The following TANGO6 variants were observed in gnomAD, a reference collection of about 807,000 sequenced individuals.
The protein encoded by TANGO6 is transport and Golgi organization protein 6 homolog.
A neutral mutation model predicts 114.2 loss-of-function variants in TANGO6; 90 were observed. That is an observed-to-expected ratio of 0.79 (90% confidence interval 0.66 to 0.94). The LOEUF (loss-of-function observed/expected upper bound fraction) is 0.94. TANGO6 is among the 40% of genes least tolerant of loss of function. The pLI, the probability that TANGO6 is intolerant of heterozygous loss-of-function variation, is 0.00. For missense variants in TANGO6, 1,274 were observed against 1,315.3 expected (o/e 0.97, Z 0.49); for synonymous variants, 477 against 509.8 (o/e 0.94, Z 0.87).
intron 14 of TANGO6, among the ~76,000 whole-genome samples, chr16:68,944,724 G>T (rs1216113150): frequency 6.6e-6 from 1 of 152,160 alleles, no homozygotes; most frequent in Non-Finnish European, 1.5e-5. Flanking sequence ...GGTGAGTCAG[G>T]TTTGGAATCC....
intron 1 of TANGO6, among the ~76,000 whole-genome samples, chr16:68,856,802 A>G (rs1256469929): frequency 6.6e-6 from 1 of 151,990 alleles, no homozygotes. Context: ...GTATAGTTTC[A>G]CCTCCCTAAA....
intron 15 of TANGO6, among the ~76,000 whole-genome samples, chr16:69,001,617 C>T (rs1252439200): frequency 1.3e-5 from 2 of 152,086 alleles, no homozygotes; most frequent in Non-Finnish European, 2.9e-5. Flanking sequence ...GCTAAATAAG[C>T]AGGCACAGTT....
chr16:68,852,201 A>G (rs1215537554), intron 1 of TANGO6, among the ~76,000 whole-genome samples: 1 of 152,170 alleles, frequency 6.6e-6, no homozygotes, highest in Non-Finnish European at 1.5e-5. Context: ...AGGTGCTTTG[A>G]TTCTAGTTGG....
At position 68,898,583 on chromosome 16, in the gene TANGO6, T is replaced by C. The variant is rs533587903; in HGVS notation, c.1378-1851T>C. On this transcript the variant is annotated intron_variant, in intron 7 of 17. Coordinates refer to ENST00000261778, the MANE Select transcript of TANGO6 (RefSeq NM_024562.2). The stretch of plus-strand genomic sequence containing the variant: ...TCAAACTCCTGGGCTCAAGTGATCC[T>C]CCCTCCTTGGCCTCCCTAAGTGCTG... Among the ~76,000 whole-genome samples, 3 of 152,084 alleles carry C rather than the reference T, an allele frequency of 2.0e-5. No homozygotes were observed. In the South Asian group the frequency reaches 6.3e-4, roughly 32 times the overall value.
intron 14 of TANGO6, among the ~76,000 whole-genome samples, chr16:68,940,439 A>C (rs1313397662): frequency 1.3e-5 from 2 of 152,144 alleles, no homozygotes; most frequent in South Asian, 2.1e-4. Context: ...TTATCAAATG[A>C]AAAGAGGAGC....
chr16:69,062,019 C>T (rs779460617), intron 17 of TANGO6, among the ~76,000 whole-genome samples: 1 of 150,938 alleles, frequency 6.6e-6, no homozygotes, highest in Non-Finnish European at 1.5e-5. Flanking sequence ...GACTCCATCT[C>T]AAAAAAGAAA....
intron 1 of TANGO6, among the ~76,000 whole-genome samples, chr16:68,853,030 A>C (rs910072569): frequency 6.6e-5 from 10 of 152,204 alleles, no homozygotes; most frequent in Non-Finnish European, 1.5e-4. Flanking sequence ...TTTTAGCCAT[A>C]AACACTTCAG....
chr16:68,899,519 T>C (rs975023977), intron 7 of TANGO6, among the ~76,000 whole-genome samples: 1 of 151,714 alleles, frequency 6.6e-6, no homozygotes, highest in Non-Finnish European at 1.5e-5. Flanking sequence ...TTTTTTTTTT[T>C]AATTTTTTTC....
intron 16 of TANGO6, chr16:69,025,967 G>T: frequency 5.3e-6 from 1 of 189,688 alleles, no homozygotes. Context: ...AATGAGCTAT[G>T]CAATTTGATC....
At position 68,863,541 on chromosome 16, in the gene TANGO6, C is replaced by T. The variant is rs1387765444; in HGVS notation, c.852+480C>T. On this transcript the variant is annotated intron_variant, in intron 3 of 17. Transcript: ENST00000261778. ...AGGAGAATTGCTTGAACCTGGGAGG[C>T]GGAGGTTGCAGTGAGCCGAGATCAT... is the stretch of plus-strand genomic sequence containing the variant. 6.6e-5 allele frequency among the ~76,000 whole-genome samples: 10 copies of T among 151,960 alleles called. No individual in the cohort carries two copies. The East Asian group carries it at 9.7e-4, about 15-fold the overall frequency.
intron 17 of TANGO6, among the ~76,000 whole-genome samples, chr16:69,047,950 G>C (rs1290392992): frequency 6.6e-6 from 1 of 152,092 alleles, no homozygotes; most frequent in Non-Finnish European, 1.5e-5. Context: ...TTCTCTATCT[G>C]TTTTGTGGGA....
At chr16:68,846,187 G>T (rs1394857905) in intron 1 of TANGO6, among the ~76,000 whole-genome samples, 1 of 151,960 alleles carries the variant, frequency 6.6e-6, no homozygotes, top group East Asian at 1.9e-4. Context: ...CACATGCCCG[G>T]CTAATTTTTT....
intron 15 of TANGO6, among the ~76,000 whole-genome samples, chr16:69,010,615 A>G (rs1597056808): frequency 6.6e-6 from 1 of 152,060 alleles, no homozygotes; most frequent in African/African-American, 2.4e-5. Flanking sequence ...GTCTGCCCCT[A>G]TGAGAATCCT....
At position 68,974,030 on chromosome 16, in the gene TANGO6, G is replaced by C. The variant is rs899125376; in HGVS notation, c.2704G>C (p.Val902Leu). 2 of 1,604,856 alleles carry C rather than the reference G, an allele frequency of 1.2e-6. No individual in the cohort carries two copies. The highest frequency in any genetic ancestry group is 2.7e-5 in the African/African-American group (2 of 74,934). ...TFVYLSAIQG[V>L]ALLSDVYPEK... ...TTTCTTTTTGTTTTCAACCCCAGGG[G>C]TTGCCCTGCTGTCAGACGTCTATCC... Residue 902 changes from valine (V) to leucine (L), a missense_variant and splice_region_variant, in exon 15 of 18, where the codon GTT becomes CTT. Around this residue, in one of 5 missense-constraint regions of TANGO6, gnomAD observed 238 missense variants for 252.9 expected, o/e 0.94. Transcript: ENST00000261778.
chr16:68,924,862 G>A (rs534278474), intron 12 of TANGO6, among the ~76,000 whole-genome samples: 1 of 152,016 alleles, frequency 6.6e-6, no homozygotes, highest in African/African-American at 2.4e-5. Context: ...GACAACCCCA[G>A]GGGCTAGATG....
chr16:68,931,302 T>C (rs1346924866), intron 14 of TANGO6, among the ~76,000 whole-genome samples: 1 of 152,204 alleles, frequency 6.6e-6, no homozygotes, highest in Non-Finnish European at 1.5e-5. Context: ...GGGGACTAAA[T>C]AGGAATGTGA....
chr16:68,982,629 C>CATTTTTTTT (rs1567553024), intron 15 of TANGO6, among the ~76,000 whole-genome samples: 4 of 120,538 alleles, frequency 3.3e-5, no homozygotes, highest in African/African-American at 1.2e-4. Flanking sequence ...CATGCCCTGG[C>CATTTTTTTT]CTTTTTTTTT....
intron 15 of TANGO6, among the ~76,000 whole-genome samples, chr16:69,004,567 G>C (rs1235419500): frequency 6.6e-6 from 1 of 151,988 alleles, no homozygotes; most frequent in Admixed American, 6.6e-5. Context: ...TGTTGGTCAG[G>C]CTGGTCTCAA....
intron 14 of TANGO6, among the ~76,000 whole-genome samples, chr16:68,950,645 G>A (rs1963462910): frequency 6.6e-6 from 1 of 151,528 alleles, no homozygotes; most frequent in Non-Finnish European, 1.5e-5. Flanking sequence ...TCGATCACGA[G>A]TTCAGGAGTT....
Sources: allele counts gnomAD v4.1 joint callset (sites outside exome capture counted in the v4.1 genomes callset), GRCh38; gene constraint gnomAD v4.1.1; regional missense constraint gnomAD v4.1.1; transcripts MANE v1.5; gene names NCBI Gene and HGNC (gene_info 2026-07-23, HGNC 2026-07-21).